Variants in DNAH9 observed in about 807,000 individuals in gnomAD.
DNAH9 encodes DNAH9 variant protein.
A neutral mutation model predicts 471.6 loss-of-function variants in DNAH9; 345 were observed. The observed-to-expected ratio is 0.73, with a 90% confidence interval of 0.67 to 0.80. The LOEUF (loss-of-function observed/expected upper bound fraction) is 0.80, where lower values mean the gene tolerates loss of function less well. Among genes scored for constraint, DNAH9 ranks in the 30% least tolerant of loss-of-function variants. The probability of loss-of-function intolerance (pLI) is 0.00; values close to 1 mark genes in which losing one functional copy is unlikely to be tolerated. For synonymous variants in DNAH9, 2,093 were observed against 2,123.6 expected (o/e 0.99, Z 0.40); for missense variants, 5,407 against 5,609.2 (o/e 0.96, Z 1.15).
chr17:11,946,967 A>C (rs755576272), intron 67 of DNAH9, among the ~76,000 whole-genome samples: 3 of 152,184 alleles, frequency 2.0e-5, no homozygotes, highest in Admixed American at 2.0e-4. Context: ...TATTCACCAT[A>C]CTTCATATTT....
intron 22 of DNAH9, 63 bp from the exon 23 acceptor site, chr17:11,699,665 AAAC>A: frequency 6.8e-7 from 1 of 1,481,228 alleles, no homozygotes; most frequent in Non-Finnish European, 9.4e-7. Flanking sequence ...GTAGGCCTCT[AAAC>A]AATTCTAATA....
chr17:11,784,405 T>C lies in DNAH9; in HGVS notation c.7927T>C (p.Ser2643Pro). 6.2e-7 allele frequency: 1 copy of C among 1,614,156 alleles called. No individual in the cohort carries two copies. The highest frequency in any genetic ancestry group is 8.5e-7 in the Non-Finnish European group (1 of 1,180,028). The change falls in exon 41 of 69, where the codon TCC becomes CCC. Residue 2643 changes from serine (S) to proline (P), a missense_variant. Coordinates refer to ENST00000262442, the MANE Select transcript of DNAH9 (RefSeq NM_001372.4). ...QHLKLGNFPA[S>P]LQKSIPPLID... ...TCTGAAGCTCGGAAACTTCCCGGCGTCCCTGCAGAAATCCATCCCCCCACT... is the reference window on the plus strand; with the variant it reads ...TCTGAAGCTCGGAAACTTCCCGGCGCCCCTGCAGAAATCCATCCCCCCACT...
At chr17:11,939,998 A>G (rs890419358) in intron 66 of DNAH9, among the ~76,000 whole-genome samples, 1 of 152,240 alleles carries the variant, frequency 6.6e-6, no homozygotes, top group African/African-American at 2.4e-5. Flanking sequence ...GCAGGAATAT[A>G]TACCAAAAAA....
In DNAH9 at chr17:11,669,657, G is replaced by A. The variant is rs1296128506; in HGVS notation, c.3216G>A (p.Val1072=). ...CCTATGAAACGCTCTATGAAGAGGTGTGCAGGCTGGAACCCATCAAGGTGT... is the reference window on the plus strand; with the variant it reads ...CCTATGAAACGCTCTATGAAGAGGTATGCAGGCTGGAACCCATCAAGGTGT... ...IDSYETLYEE[V]CRLEPIKVFD... The change falls in exon 17 of 69, where the codon GTG becomes GTA. Residue 1072 remains valine, a synonymous_variant. Transcript: ENST00000262442. 3 of 1,614,190 alleles carry A rather than the reference G, an allele frequency of 1.9e-6. No individual in the cohort carries two copies. Among genetic ancestry groups the A allele is most frequent in the Non-Finnish European group, 2.5e-6 (3 of 1,180,030 alleles).
intron 49 of DNAH9, among the ~76,000 whole-genome samples, chr17:11,847,290 A>G (rs1007760731): frequency 3.9e-5 from 6 of 152,118 alleles, no homozygotes; most frequent in Non-Finnish European, 7.4e-5. Flanking sequence ...GCTCATTCCT[A>G]TGTCCAGAAT....
At chr17:11,934,219 A>AG in intron 65 of DNAH9, 148 bp downstream of exon 65, 1 of 788,990 alleles carries the variant, frequency 1.3e-6, no homozygotes. Flanking sequence ...GGGCTTAGAC[A>AG]GCTGAGCTCA....
intron 14 of DNAH9, among the ~76,000 whole-genome samples, chr17:11,656,382 G>A (rs954901337): frequency 4.0e-5 from 6 of 151,738 alleles, no homozygotes; most frequent in Admixed American, 6.6e-5. Flanking sequence ...TTGTCTATTC[G>A]CATCTTTAGC....
intron 10 of DNAH9, among the ~76,000 whole-genome samples, chr17:11,640,755 A>G (rs1489206308): frequency 6.6e-6 from 1 of 152,150 alleles, no homozygotes. Context: ...TGTTTCCTCA[A>G]GTGCAGTATG....
intron 19 of DNAH9, among the ~76,000 whole-genome samples, chr17:11,687,654 C>T (rs561447033): frequency 4.6e-5 from 7 of 152,218 alleles, no homozygotes; most frequent in Middle Eastern, 3.4e-3. Context: ...CCCATGATGA[C>T]GTGTTTTGAT....
intron 28 of DNAH9, among the ~76,000 whole-genome samples, chr17:11,736,933 C>T (rs1415641307): frequency 2.0e-5 from 3 of 152,184 alleles, no homozygotes; most frequent in East Asian, 1.9e-4. Flanking sequence ...CCTAATAAGG[C>T]GAGTGCTCTG....
intron 8 of DNAH9, among the ~76,000 whole-genome samples, chr17:11,635,827 G>A (rs190784895): frequency 1.4e-4 from 21 of 152,206 alleles, no homozygotes; most frequent in Admixed American, 3.9e-4. Flanking sequence ...TCAGAGAAAG[G>A]TCAGCATCAC....
chr17:11,767,962 C>G (rs1399776757), intron 36 of DNAH9, among the ~76,000 whole-genome samples: 1 of 152,106 alleles, frequency 6.6e-6, no homozygotes, highest in Non-Finnish European at 1.5e-5. Flanking sequence ...GAAGGATTTG[C>G]CTGTGGTTAC....
Position 11,883,653 on chromosome 17 carries a change from C to G in DNAH9, c.10874C>G (p.Ser3625Cys). ...TLKTLEDSLL[S>C]RLSSASGNFL... ...AAAACGTTGGAAGACAGTCTTCTCT[C>G]TCGCCTCTCCTCCGCCTCTGGGAAC... Residue 3625 changes from serine to cysteine, a missense_variant, in exon 56 of 69, where the codon TCT (serine) becomes TGT (cysteine). By Grantham distance (112) the Ser-to-Cys change is moderately radical. Coordinates refer to ENST00000262442, the MANE Select transcript of DNAH9 (RefSeq NM_001372.4). 6.2e-7 allele frequency: 1 copy of G among 1,614,138 alleles called. No homozygotes were observed. The highest frequency in any genetic ancestry group is 2.2e-5 in the East Asian group (1 of 44,866).
chr17:11,899,718 A>T (rs897346611), intron 59 of DNAH9, among the ~76,000 whole-genome samples: 3 of 152,156 alleles, frequency 2.0e-5, no homozygotes, highest in African/African-American at 7.2e-5. Context: ...AACTGGGAAG[A>T]GGGGGTGAGT....
Position 11,651,255 on chromosome 17 carries a change from G to A in DNAH9, c.2284G>A (p.Glu762Lys). The A allele has an allele frequency of 1.2e-6, 2 of 1,614,044 alleles. No individual in the cohort carries two copies. The highest frequency in any genetic ancestry group is 1.7e-6 in the Non-Finnish European group (2 of 1,179,980). ...GCTGGAGGTGGAATTTCCATTAGTG[G>A]AGGAAGAGCTGCAAAATATTGATCT... Reference protein sequence around the residue: ...TLLEVEFPLVEEELQNIDLRL... With the variant: ...TLLEVEFPLVKEELQNIDLRL... The change falls in exon 13 of 69, where the codon GAG becomes AAG. Residue 762 changes from glutamate (E) to lysine (K), a missense_variant. This residue lies in a region of DNAH9 where 4,636 missense variants were observed against 4,900.3 expected (regional missense o/e 0.95). Transcript: ENST00000262442.
intron 12 of DNAH9, among the ~76,000 whole-genome samples, chr17:11,648,290 A>G (rs1597431626): frequency 6.6e-6 from 1 of 152,230 alleles, no homozygotes; most frequent in Non-Finnish European, 1.5e-5. Context: ...CTCCTCTGCA[A>G]TCAAAGTCAA....
chr17:11,789,555 C>T (rs553977361), intron 41 of DNAH9, among the ~76,000 whole-genome samples: 1 of 152,012 alleles, frequency 6.6e-6, no homozygotes, highest in East Asian at 1.9e-4. Flanking sequence ...TGTCTTTTCT[C>T]TTTTTTTCTC....
chr17:11,964,526 T>G (rs1171832131), intron 68 of DNAH9, among the ~76,000 whole-genome samples: 1 of 152,144 alleles, frequency 6.6e-6, no homozygotes, highest in Non-Finnish European at 1.5e-5. Flanking sequence ...TCGGCAAAAA[T>G]GGAAGAGTCA....
At chr17:11,779,435 T>C (rs140777795) in intron 38 of DNAH9, among the ~76,000 whole-genome samples, 54 of 152,270 alleles carry the variant, frequency 3.5e-4, no homozygotes, top group Admixed American at 9.8e-4. Context: ...ATCAACAATG[T>C]GCCTGTCTTT....
Sources: allele counts gnomAD v4.1 joint callset (sites outside exome capture counted in the v4.1 genomes callset), GRCh38; gene constraint gnomAD v4.1.1; regional missense constraint gnomAD v4.1.1; transcripts MANE v1.5; gene names NCBI Gene and HGNC (gene_info 2026-07-23, HGNC 2026-07-21).